Variants in MEGF11 observed in about 807,000 individuals in gnomAD.
The protein encoded by MEGF11 is multiple EGF like domains 11.
Under a neutral mutation model 146.6 loss-of-function variants are expected in MEGF11, and 126 were observed. That is an observed-to-expected ratio of 0.86 (90% CI 0.74 to 1.00). MEGF11 has a LOEUF of 1.00. MEGF11 is among the 50% of genes least tolerant of loss of function. MEGF11 has a pLI of 0.00. For missense variants in MEGF11, 1,509 were observed against 1,521.2 expected, an observed-to-expected ratio of 0.99 and a Z score of 0.13; for synonymous variants, 532 against 583.4, an observed-to-expected ratio of 0.91 and a Z score of 1.27.
chr15:65,930,138 C>T (rs1265473814), intron 11 of MEGF11, among the ~76,000 whole-genome samples: 1 of 152,204 alleles, frequency 6.6e-6, no homozygotes, highest in African/African-American at 2.4e-5. Context: ...GAACAGGCAC[C>T]AGCTCAGGTG....
At chr15:66,118,677 C>T (rs1355175515) in intron 4 of MEGF11, among the ~76,000 whole-genome samples, 1 of 152,186 alleles carries the variant, frequency 6.6e-6, no homozygotes, top group Non-Finnish European at 1.5e-5. Flanking sequence ...ACCCATCCAA[C>T]TGTCCATCTA....
At chr15:65,918,139 C>T in intron 15 of MEGF11, 45 bp from the exon 16 acceptor site, 1 of 1,609,012 alleles carries the variant, frequency 6.2e-7, no homozygotes, top group Non-Finnish European at 8.5e-7. Context: ...CACCTGTGTT[C>T]CTCTGACCTC....
At chr15:66,178,747 G>A (rs970714830) in intron 1 of MEGF11, among the ~76,000 whole-genome samples, 1 of 152,112 alleles carries the variant, frequency 6.6e-6, no homozygotes. Context: ...CCTTCAGAGG[G>A]ACCAACCCCT....
chr15:66,037,865 C>T (rs1443923305), intron 5 of MEGF11, among the ~76,000 whole-genome samples: 1 of 152,206 alleles, frequency 6.6e-6, no homozygotes, highest in Non-Finnish European at 1.5e-5. Flanking sequence ...CACTTCTTCT[C>T]TGGAAGAGGA....
At chr15:65,917,639 C>T (rs1389301482) in intron 16 of MEGF11, among the ~76,000 whole-genome samples, 1 of 152,226 alleles carries the variant, frequency 6.6e-6, no homozygotes, top group Non-Finnish European at 1.5e-5. Flanking sequence ...TACTCCCAAA[C>T]TCGAGCATGC....
chr15:65,937,540 C>T (rs888268936), intron 10 of MEGF11, among the ~76,000 whole-genome samples: 11 of 152,242 alleles, frequency 7.2e-5, no homozygotes, highest in African/African-American at 2.2e-4. Flanking sequence ...CTTCTCACCA[C>T]TAAGGACCCT....
chr15:66,100,354 A>G (rs1472510756), intron 4 of MEGF11, among the ~76,000 whole-genome samples: 1 of 152,002 alleles, frequency 6.6e-6, no homozygotes, highest in Non-Finnish European at 1.5e-5. Flanking sequence ...CCGCAGGGAG[A>G]ATTCTCTCTC....
At chr15:65,953,657 C>G (rs1419837075) in intron 10 of MEGF11, among the ~76,000 whole-genome samples, 1 of 152,184 alleles carries the variant, frequency 6.6e-6, no homozygotes, top group East Asian at 1.9e-4. Flanking sequence ...CCACCTGCCC[C>G]CTAAGTCCTA....
intron 1 of MEGF11, among the ~76,000 whole-genome samples, chr15:66,142,930 C>T (rs2089223768): frequency 6.6e-6 from 1 of 152,218 alleles, no homozygotes; most frequent in Non-Finnish European, 1.5e-5. Context: ...AACAGCTTCT[C>T]TAGGCCTTAG....
chr15:65,968,772 T>C (rs2081201653), intron 8 of MEGF11, among the ~76,000 whole-genome samples: 1 of 152,198 alleles, frequency 6.6e-6, no homozygotes, highest in Admixed American at 6.5e-5. Flanking sequence ...AACAACCAGA[T>C]ACATTGCTCA....
intron 13 of MEGF11, among the ~76,000 whole-genome samples, chr15:65,925,937 A>T (rs930169598): frequency 6.6e-6 from 1 of 152,166 alleles, no homozygotes; most frequent in East Asian, 1.9e-4. Context: ...AGCTTCATAC[A>T]CAAGACCTGT....
At chr15:66,107,417 C>T (rs1335958739) in intron 4 of MEGF11, among the ~76,000 whole-genome samples, 6 of 152,290 alleles carry the variant, frequency 3.9e-5, no homozygotes, top group South Asian at 4.1e-4. Flanking sequence ...GGGAGGAAGG[C>T]GCTCAGCAAA....
At chr15:65,942,030 G>T (rs1215068685) in intron 10 of MEGF11, among the ~76,000 whole-genome samples, 1 of 152,010 alleles carries the variant, frequency 6.6e-6, no homozygotes, top group African/African-American at 2.4e-5. Flanking sequence ...TAACAGCCCT[G>T]CAGGGAGAGA....
At chr15:65,948,440 G>A (rs887217918) in intron 10 of MEGF11, among the ~76,000 whole-genome samples, 3 of 152,040 alleles carry the variant, frequency 2.0e-5, no homozygotes, top group African/African-American at 2.4e-5. Context: ...TGCGCATACC[G>A]ACCCCGAAGG....
At chr15:66,146,051 G>T (rs1335347755) in intron 1 of MEGF11, among the ~76,000 whole-genome samples, 1 of 152,074 alleles carries the variant, frequency 6.6e-6, no homozygotes, top group East Asian at 1.9e-4. Flanking sequence ...AAGCCCCTGG[G>T]TGTTGTGTCA....
intron 5 of MEGF11, among the ~76,000 whole-genome samples, chr15:66,062,516 T>C (rs2084945880): frequency 6.6e-6 from 1 of 152,196 alleles, no homozygotes; most frequent in Admixed American, 6.5e-5. Flanking sequence ...AGATAAATTC[T>C]GCCAACAACC....
chr15:66,114,260 A>G (rs540638270), intron 4 of MEGF11, among the ~76,000 whole-genome samples: 94 of 152,372 alleles, frequency 6.2e-4, no homozygotes, highest in Middle Eastern at 3.4e-3. Flanking sequence ...AAGACTAATT[A>G]GAGCCCTCTT....
At chr15:66,026,099 C>A (rs908731122) in intron 5 of MEGF11, among the ~76,000 whole-genome samples, 11 of 152,196 alleles carry the variant, frequency 7.2e-5, no homozygotes, top group Non-Finnish European at 1.6e-4. Flanking sequence ...GGGGATGGAG[C>A]CCTGACAGGG....
At chr15:66,127,402 G>A (rs759037608) in intron 2 of MEGF11, among the ~76,000 whole-genome samples, 45 of 152,200 alleles carry the variant, frequency 3.0e-4, no homozygotes, top group Non-Finnish European at 6.3e-4. Context: ...GGCTACCCCA[G>A]AGCCAGGTCC....
Sources: gnomAD v4.1 joint callset for allele counts (sites outside exome capture counted in the v4.1 genomes callset) on GRCh38, gnomAD v4.1.1 for gene constraint, MANE v1.5 for transcripts, NCBI Gene and HGNC (gene_info 2026-07-23, HGNC 2026-07-21) for gene names.